The following ARSF variants were observed in gnomAD, a reference collection of about 807,000 sequenced individuals.
ARSF encodes arylsulfatase F.
In ARSF, 33 loss-of-function variants were observed where a neutral mutation model predicts 35.4. That is an observed-to-expected ratio of 0.93 (90% CI 0.71 to 1.25). The LOEUF is 1.25. Ranked by LOEUF, ARSF falls within the 50% of genes most tolerant of loss-of-function variation. The pLI, the probability that ARSF is intolerant of heterozygous loss-of-function variation, is 0.00. For synonymous variants in ARSF, 222 were observed against 193.1 expected, an observed-to-expected ratio of 1.15 and a Z score of -1.24; for missense variants, 501 against 480.2, an observed-to-expected ratio of 1.04 and a Z score of -0.40.
At position 3,088,208 on chromosome X, in the gene ARSF, C is replaced by T. The variant is rs552437215; in HGVS notation, c.831-1288C>T. Among the ~76,000 whole-genome samples, 13 of 111,722 alleles carry T rather than the reference C, an allele frequency of 1.2e-4. No individual in the cohort carries two copies. The South Asian group carries it at 3.8e-3, about 33-fold the overall frequency. On this transcript the variant is annotated intron_variant, in intron 6 of 10. Coordinates refer to ENST00000381127, the MANE Select transcript of ARSF (RefSeq NM_001201539.2). ...TTCCTGTTTGTACTGGCTTATGGCTCGTGAAACTCTTGATCTGGCTAAGAA... is the reference window on the plus strand; with the variant it reads ...TTCCTGTTTGTACTGGCTTATGGCTTGTGAAACTCTTGATCTGGCTAAGAA...
At chrX:3,072,576 T>C (rs954377687) in intron 3 of ARSF, among the ~76,000 whole-genome samples, 2 of 110,549 alleles carry the variant, frequency 1.8e-5, no homozygotes, top group Admixed American at 2.0e-4. Context: ...CTCTGAAGTC[T>C]TAGAGAAGTC....
At chrX:3,049,664 G>A (rs1446740655) in intron 1 of ARSF, among the ~76,000 whole-genome samples, 1 of 110,820 alleles carries the variant, frequency 9.0e-6, no homozygotes, top group Non-Finnish European at 1.9e-5. Context: ...GTCTTATTTA[G>A]GAGAAAATGG....
At chrX:3,075,500 CTCTCTCTCTG>C (rs1171229648) in intron 3 of ARSF, among the ~76,000 whole-genome samples, 1 of 106,257 alleles carries the variant, frequency 9.4e-6, no homozygotes, top group East Asian at 3.0e-4. Context: ...CTCTTTCTAT[CTCTCTCTCTG>C]TCTCTCTCTG....
At chrX:3,082,222 G>A (rs976530598) in intron 5 of ARSF, among the ~76,000 whole-genome samples, 1 of 111,696 alleles carries the variant, frequency 9.0e-6, no homozygotes, top group Non-Finnish European at 1.9e-5. Context: ...CCCTTACTTC[G>A]ATCAGTTTTA....
intron 7 of ARSF, among the ~76,000 whole-genome samples, chrX:3,095,669 G>A (rs2090333827): frequency 9.1e-6 from 1 of 109,493 alleles, no homozygotes; most frequent in South Asian, 3.8e-4. Flanking sequence ...GCATTAGTCA[G>A]GTTATGTACA....
chrX:3,098,670 T>C (rs1195556763), intron 7 of ARSF, among the ~76,000 whole-genome samples: 1 of 111,398 alleles, frequency 9.0e-6, no homozygotes, highest in Non-Finnish European at 1.9e-5. Context: ...GAACTGTGAT[T>C]CCATTAAACC....
intron 7 of ARSF, among the ~76,000 whole-genome samples, chrX:3,092,672 C>G (rs1447002000): frequency 5.3e-5 from 6 of 112,448 alleles, no homozygotes; most frequent in Admixed American, 3.8e-4. Flanking sequence ...GTTTTGTCCA[C>G]ACAGCCAGAA....
chrX:3,092,600 A>C (rs2090302995), intron 7 of ARSF, among the ~76,000 whole-genome samples: 1 of 111,949 alleles, frequency 8.9e-6, no homozygotes, highest in Non-Finnish European at 1.9e-5. Context: ...GATATCTGAA[A>C]ATTATATTTT....
rs1262533205 is a variant in ARSF at position 3,112,291 on chromosome X, C to G, written c.1508C>G (p.Pro503Arg). ...CFGEQVTYHN[P>R]PLLFDLSRDP... ...GGAGAACAGGTTACCTACCACAACC[C>G]CCCTCTGCTCTTCGATCTCTCCAGG... The change falls in exon 11 of 11, where the codon CCC (proline) becomes CGC (arginine). Residue 503 changes from proline (P) to arginine (R), a missense_variant. Coordinates refer to ENST00000381127, the MANE Select transcript of ARSF (RefSeq NM_001201539.2). 6.6e-6 allele frequency: 8 copies of G among 1,208,552 alleles called. No homozygotes were observed. Among genetic ancestry groups the G allele is most frequent in the Non-Finnish European group, 7.8e-6 (7 of 894,784 alleles).
chrX:3,078,040 G>T (rs1335308474), intron 4 of ARSF, among the ~76,000 whole-genome samples: 3 of 108,566 alleles, frequency 2.8e-5, no homozygotes, highest in Non-Finnish European at 3.8e-5. Flanking sequence ...CTGACCTTAG[G>T]TGATCCACCC....
intron 6 of ARSF, among the ~76,000 whole-genome samples, chrX:3,085,528 G>C (rs1350148585): frequency 9.1e-6 from 1 of 110,217 alleles, no homozygotes; most frequent in Admixed American, 9.8e-5. Context: ...TGAGGTAAAT[G>C]GTCAAAGGTG....
At chrX:3,109,802 T>C (rs1461203024) in intron 9 of ARSF, among the ~76,000 whole-genome samples, 1 of 112,561 alleles carries the variant, frequency 8.9e-6, no homozygotes, top group African/African-American at 3.2e-5. Flanking sequence ...TAATTGCAAA[T>C]GAAGTTCAGA....
chrX:3,058,804 C>T (rs985026196), intron 1 of ARSF, among the ~76,000 whole-genome samples: 1 of 111,445 alleles, frequency 9.0e-6, no homozygotes, highest in Non-Finnish European at 1.9e-5. Context: ...GAGGCTGCAG[C>T]GAGCTCTTAT....
At chrX:3,058,596 T>C (rs1474889497) in intron 1 of ARSF, 1 of 325,751 alleles carries the variant, frequency 3.1e-6, no homozygotes, top group Non-Finnish European at 5.9e-6. Flanking sequence ...CTCACACCTA[T>C]AATCACAGTG....
At chrX:3,085,149 CTCTGAAATTTATATGTTG>C (rs2090238145) in intron 6 of ARSF, among the ~76,000 whole-genome samples, 1 of 109,736 alleles carries the variant, frequency 9.1e-6, no homozygotes, top group Non-Finnish European at 1.9e-5. Flanking sequence ...TCTCTATTGG[CTCTGAAATTTATATGTTG>C]TCAGACCATG....
chrX:3,060,380 A>G (rs2147482760), intron 1 of ARSF, among the ~76,000 whole-genome samples: 1 of 112,305 alleles, frequency 8.9e-6, no homozygotes, highest in African/African-American at 3.2e-5. Context: ...AAAGCTGAAA[A>G]TTCTAAAAAC....
At chrX:3,057,305 T>C (rs1371902083) in intron 1 of ARSF, among the ~76,000 whole-genome samples, 2 of 112,090 alleles carry the variant, frequency 1.8e-5, no homozygotes, top group South Asian at 3.7e-4. Context: ...AGCGTTTTTT[T>C]CCCCAGAAAC....
intron 7 of ARSF, among the ~76,000 whole-genome samples, chrX:3,092,933 G>A (rs774030670): frequency 8.9e-6 from 1 of 112,078 alleles, no homozygotes; most frequent in South Asian, 3.7e-4. Context: ...AGCACTTTGG[G>A]AGGCCAAGGC....
Position 3,044,996 on chromosome X carries a change from G to A in ARSF, c.-29+3333G>A, listed in dbSNP as rs1029116222. ...GCACTGGAAATTAGGGTTACTGGGA[G>A]TTGGAATAGTAGGAGAGTAAGATGT... On this transcript the variant is annotated intron_variant, in intron 1 of 10. Transcript: ENST00000381127. Among the ~76,000 whole-genome samples the A allele has an allele frequency of 2.7e-5, 3 of 110,900 alleles. No homozygotes were observed. In the Admixed American group the frequency reaches 2.9e-4, roughly 11 times the overall value.
Sources: allele counts gnomAD v4.1 joint callset (sites outside exome capture counted in the v4.1 genomes callset), GRCh38; gene constraint gnomAD v4.1.1; transcripts MANE v1.5; gene names NCBI Gene and HGNC (gene_info 2026-07-23, HGNC 2026-07-21).